Variants in UNC13A observed in about 807,000 individuals in gnomAD.
UNC13A encodes unc-13 homolog A, also known as protein unc-13 homolog A.
A neutral mutation model predicts 219.7 loss-of-function variants in UNC13A; 61 were observed. That is an observed-to-expected ratio of 0.28 (90% CI 0.23 to 0.34). UNC13A has a LOEUF of 0.34. Among genes scored for constraint, UNC13A ranks in the 10% least tolerant of loss-of-function variants. UNC13A has a pLI of 1.00. For synonymous variants in UNC13A, 920 were observed against 884.6 expected, an observed-to-expected ratio of 1.04 and a Z score of -0.71; for missense variants, 1,476 against 2,270.3, an observed-to-expected ratio of 0.65 and a Z score of 7.11.
intron 9 of UNC13A, 60 bp downstream of exon 9, chr19:17,658,000 CCT>C (rs370319737): frequency 1.2e-5 from 18 of 1,551,548 alleles, no homozygotes; most frequent in African/African-American, 1.1e-4. Flanking sequence ...GCCCCGTACC[CCT>C]CTCTCCACTC....
chr19:17,663,423 G>T, intron 8 of UNC13A, 109 bp downstream of exon 8: 2 of 1,303,060 alleles, frequency 1.5e-6, no homozygotes, highest in Non-Finnish European at 2.2e-6. Context: ...CCACGTGCTC[G>T]TCACAGGCTC....
Position 17,617,866 on chromosome 19 carries a change from G to C in UNC13A, c.4411-17C>G. The stretch of plus-strand genomic sequence containing the variant: ...GAAATATTGCTGGGGAGGACAGGGT[G>C]GGGAGAGGTGAGGATGGTGGGAACC... On this transcript the variant is annotated splice_polypyrimidine_tract_variant and intron_variant, in intron 40 of 43. Coordinates refer to ENST00000519716, the MANE Select transcript of UNC13A (RefSeq NM_001080421.3). The C allele has an allele frequency of 6.2e-7, 1 of 1,613,408 alleles. No homozygotes were observed. The highest frequency in any genetic ancestry group is 8.5e-7 in the Non-Finnish European group (1 of 1,179,708).
chr19:17,677,969 T>C (rs2079930994), intron 1 of UNC13A, among the ~76,000 whole-genome samples: 1 of 152,180 alleles, frequency 6.6e-6, no homozygotes, highest in African/African-American at 2.4e-5. Context: ...TTTTTCAGTA[T>C]GTCTTGAAGA....
intron 8 of UNC13A, among the ~76,000 whole-genome samples, chr19:17,661,104 C>CTT (rs11287808): frequency 3.0e-5 from 4 of 135,392 alleles, no homozygotes; most frequent in Non-Finnish European, 3.2e-5. Context: ...ACACCCGGCC[C>CTT]TTTTTTTTTT....
intron 1 of UNC13A, among the ~76,000 whole-genome samples, chr19:17,684,909 C>T (rs892525732): frequency 2.0e-5 from 3 of 152,184 alleles, no homozygotes; most frequent in African/African-American, 7.2e-5. Flanking sequence ...GGAAAACACA[C>T]ATATTGATGT....
At position 17,619,999 on chromosome 19, in the gene UNC13A, G is replaced by A. The variant is rs918973093; in HGVS notation, c.4272+694C>T. Among the ~76,000 whole-genome samples, 6 of 152,160 alleles carry A rather than the reference G, an allele frequency of 3.9e-5. No homozygotes were observed. The East Asian group carries it at 5.8e-4, about 15-fold the overall frequency. ...CTGAACAAGTCTTTGCTCAGTGTTC[G>A]CTAATTATCACTTGGTCTCAAAGTC... On this transcript the variant is annotated intron_variant, in intron 38 of 43. Transcript: ENST00000519716.
At chr19:17,628,490 C>T (rs541927793) in intron 31 of UNC13A, among the ~76,000 whole-genome samples, 5 of 151,786 alleles carry the variant, frequency 3.3e-5, no homozygotes, top group Non-Finnish European at 5.9e-5. Flanking sequence ...CACACTCACA[C>T]TATATGCAGT....
chr19:17,606,099 C>G lies in UNC13A; in HGVS notation c.5067G>C (p.Ser1689=). Residue 1689 remains serine (S), a synonymous_variant, in exon 44 of 44, where the codon TCG becomes TCC. Coordinates refer to ENST00000519716, the MANE Select transcript of UNC13A (RefSeq NM_001080421.3). ...EVAKEFVKLK[S]DTRSAEEGGA... is the part of the protein sequence containing the mutation. Reference sequence around the variant, plus strand: ...CGCCCTCCTCGGCGGAGCGCGTGTCCGACTTGAGCTTCACGAACTCCTTGG... The same window carrying G: ...CGCCCTCCTCGGCGGAGCGCGTGTCGGACTTGAGCTTCACGAACTCCTTGG... The G allele has an allele frequency of 1.3e-6, 2 of 1,593,264 alleles. No homozygotes were observed. Among genetic ancestry groups the G allele is most frequent in the Non-Finnish European group, 1.7e-6 (2 of 1,172,464 alleles).
chr19:17,606,415 C>T, intron 43 of UNC13A, 61 bp from the exon 44 acceptor site: 2 of 1,513,376 alleles, frequency 1.3e-6, no homozygotes, highest in Non-Finnish European at 8.8e-7. Context: ...CCGCCCACGG[C>T]CCCGTCCCCA....
Position 17,637,273 on chromosome 19 carries a change from C to A in UNC13A, c.3082-1116G>T, listed in dbSNP as rs545267152. ...TACAGGTGTGAGCCACTGAGCCCAG[C>A]CTGGCTCACTAATTTGTCAAGAACA... is the stretch of plus-strand genomic sequence containing the variant. On this transcript the variant is annotated intron_variant, in intron 25 of 43. Coordinates refer to ENST00000519716, the MANE Select transcript of UNC13A (RefSeq NM_001080421.3). Among the ~76,000 whole-genome samples the A allele has an allele frequency of 2.0e-5, 3 of 151,508 alleles. No homozygotes were observed. In the East Asian group the frequency reaches 5.8e-4, roughly 29 times the overall value.
chr19:17,631,912 T>C (rs2076859807), intron 28 of UNC13A, among the ~76,000 whole-genome samples: 1 of 152,052 alleles, frequency 6.6e-6, no homozygotes, highest in South Asian at 2.1e-4. Flanking sequence ...ACCCGGATAA[T>C]TTTTTTCTTT....
rs1407479041 is a variant in UNC13A at position 17,601,432 on chromosome 19, A to G, written c.*4622T>C. On this transcript the variant is annotated 3_prime_UTR_variant, in exon 44 of 44. Transcript: ENST00000519716. ...AGTGCAAAACATCTCAACACCATGC[A>G]TTCATGACCACTTCTCGTTTGTGTT... 1 of 152,628 alleles carries G rather than the reference A, an allele frequency of 6.6e-6. No homozygotes were observed. Among genetic ancestry groups the G allele is most frequent in the Non-Finnish European group, 1.5e-5 (1 of 68,050 alleles). The allele number at this position is 152,628 out of a possible 1,614,324, so 9.5% of individuals were successfully genotyped here. A position where few individuals can be genotyped will look rare whatever the true frequency, so the allele number is the denominator to read the frequency against.
intron 43 of UNC13A, among the ~76,000 whole-genome samples, chr19:17,609,192 A>G (rs916235577): frequency 2.9e-5 from 4 of 140,236 alleles, no homozygotes; most frequent in Non-Finnish European, 4.6e-5. Flanking sequence ...CTGGTCTTGA[A>G]CTCCTGACCT....
Position 17,652,632 on chromosome 19 carries a change from C to A in UNC13A, c.1438G>T (p.Gly480Cys). 2 of 1,613,840 alleles carry A rather than the reference C, an allele frequency of 1.2e-6. No homozygotes were observed. Among genetic ancestry groups the A allele is most frequent in the Non-Finnish European group, 8.5e-7 (1 of 1,179,816 alleles). ...ACCGCTCACAGTTTCATTACTTACC[C>A]GCCTTTGAACCATAGGGATTTAGAC... is the stretch of plus-strand genomic sequence containing the variant. ...EMSKSLWFKGGPGGGLIIIDS... is the reference protein window; with the variant it reads ...EMSKSLWFKGCPGGGLIIIDS... Residue 480 changes from glycine (G) to cysteine (C), a missense_variant and splice_region_variant, in exon 12 of 44, where the codon GGC becomes TGC. Coordinates refer to ENST00000519716, the MANE Select transcript of UNC13A (RefSeq NM_001080421.3).
chr19:17,640,631 C>T lies in UNC13A; in HGVS notation c.2667G>A (p.Met889Ile), dbSNP rs763460662. Residue 889 changes from methionine to isoleucine, a missense_variant, in exon 22 of 44, where the codon ATG becomes ATA. Coordinates refer to ENST00000519716, the MANE Select transcript of UNC13A (RefSeq NM_001080421.3). The stretch of plus-strand genomic sequence containing the variant: ...TCATGACGGCAGGCACCCCTGGGCA[C>T]ATATACTTGGAGGAGAGGCAGGCAA... ...THFACLSSKY[M>I]CPGVPAVMST... 1 of 1,592,624 alleles carries T rather than the reference C, an allele frequency of 6.3e-7. No homozygotes were observed. Among genetic ancestry groups the T allele is most frequent in the Non-Finnish European group, 8.5e-7 (1 of 1,170,470 alleles).
At chr19:17,653,544 TC>T in intron 11 of UNC13A, among the ~76,000 whole-genome samples, 1 of 152,200 alleles carries the variant, frequency 6.6e-6, no homozygotes, top group East Asian at 1.9e-4. Context: ...AGGTGGGGTT[TC>T]ACTATGTTGG....
At chr19:17,654,022 T>C (rs914925425) in intron 11 of UNC13A, among the ~76,000 whole-genome samples, 11 of 151,300 alleles carry the variant, frequency 7.3e-5, no homozygotes, top group Admixed American at 6.6e-4. Context: ...AGAGACGGGG[T>C]TTCACCATGT....
chr19:17,650,742 T>G (rs2079329054), intron 12 of UNC13A, among the ~76,000 whole-genome samples: 3 of 151,448 alleles, frequency 2.0e-5, no homozygotes, highest in Non-Finnish European at 1.5e-5. Flanking sequence ...CCTCCCAAAG[T>G]GCTGAGATTA....
chr19:17,627,795 G>A lies in UNC13A; in HGVS notation c.3831+68C>T. The A allele has an allele frequency of 1.7e-5, 25 of 1,510,100 alleles. No individual in the cohort carries two copies. The highest frequency in any genetic ancestry group is 2.3e-5 in the Non-Finnish European group (25 of 1,107,608). The allele number at this position is 1,510,100 out of a possible 1,614,324, so 93.5% of individuals were successfully genotyped here. Reference sequence around the variant, plus strand: ...CAGGCCTGGTGGCATATGAGCTCAGGGGCCTGCAGGGACACAGTGGTGGGG... The same window carrying A: ...CAGGCCTGGTGGCATATGAGCTCAGAGGCCTGCAGGGACACAGTGGTGGGG... On this transcript the variant is annotated intron_variant, in intron 32 of 43. Coordinates refer to ENST00000519716, the MANE Select transcript of UNC13A (RefSeq NM_001080421.3). This position sits in a 1 kb window ranked among gnomAD's most constrained non-coding sequence, Gnocchi z 4.7.
Sources: gnomAD v4.1 joint callset for allele counts (sites outside exome capture counted in the v4.1 genomes callset) on GRCh38, gnomAD v4.1.1 for gene constraint, Gnocchi (gnomAD v3.1) non-coding constraint, MANE v1.5 for transcripts, NCBI Gene and HGNC (gene_info 2026-07-23, HGNC 2026-07-21) for gene names.